Variants in KIF26B observed in about 807,000 individuals in gnomAD.
KIF26B encodes the protein kinesin-like protein KIF26B.
KIF26B carries 63 observed loss-of-function variants against 151.2 expected under a neutral mutation model. The ratio of observed to expected loss-of-function variants is 0.42; its 90% CI spans 0.34 to 0.51. The LOEUF is 0.51. Ranked by LOEUF, KIF26B falls within the 20% of genes least tolerant of loss-of-function variation. The pLI is 0.07. For missense variants in KIF26B, 2,813 were observed against 2,913.6 expected, an observed-to-expected ratio of 0.97 and a Z score of 0.79; for synonymous variants, 1,357 against 1,262.1, an observed-to-expected ratio of 1.08 and a Z score of -1.59.
chr1:245,211,759 C>T (rs111978600), intron 2 of KIF26B, among the ~76,000 whole-genome samples: 2,805 of 152,328 alleles, frequency 0.018, 78 homozygotes, highest in African/African-American at 0.064. Flanking sequence ...TCCTCATCTT[C>T]CCTTACTTTA....
chr1:245,254,053 G>A (rs899381719), intron 2 of KIF26B, among the ~76,000 whole-genome samples: 44 of 152,042 alleles, frequency 2.9e-4, no homozygotes, highest in East Asian at 7.7e-4. Context: ...CTCGTAATTT[G>A]CCCGCCTCGG....
chr1:245,213,046 G>T (rs1462032482), intron 2 of KIF26B, among the ~76,000 whole-genome samples: 1 of 152,168 alleles, frequency 6.6e-6, no homozygotes. Flanking sequence ...CTTTCCAAGG[G>T]GGGAGCAAAT....
At chr1:245,182,897 A>G (rs893032177) in intron 2 of KIF26B, among the ~76,000 whole-genome samples, 11 of 152,266 alleles carry the variant, frequency 7.2e-5, no homozygotes, top group Non-Finnish European at 2.9e-5. Flanking sequence ...CGGCCTCCCA[A>G]AGTACTGGGA....
At chr1:245,628,998 C>T (rs947296603) in intron 9 of KIF26B, among the ~76,000 whole-genome samples, 1 of 152,100 alleles carries the variant, frequency 6.6e-6, no homozygotes, top group African/African-American at 2.4e-5. Flanking sequence ...TCCCATTCAC[C>T]ATCGCTACAA....
intron 2 of KIF26B, among the ~76,000 whole-genome samples, chr1:245,291,826 C>T (rs528389951): frequency 1.2e-3 from 177 of 152,182 alleles, no homozygotes; most frequent in Non-Finnish European, 1.1e-3. Flanking sequence ...GGCCCAGAGA[C>T]GGTACGGTGG....
Position 245,516,378 on chromosome 1 carries a change from C to T in KIF26B, c.1167-24389C>T, listed in dbSNP as rs1660964435. On this transcript the variant is annotated intron_variant, in intron 4 of 14. Coordinates refer to ENST00000407071, the MANE Select transcript of KIF26B (RefSeq NM_018012.4). The surrounding 1 kb of genome is among the most constrained non-coding windows in gnomAD (Gnocchi z 4.2). ...GTCCTCATGTAGAGCCACAAGATGG[C>T]GCAGAGGATGACATGAAATCATGTA... Among the ~76,000 whole-genome samples the T allele has an allele frequency of 1.3e-5, 2 of 152,126 alleles. No homozygotes were observed. The highest frequency in any genetic ancestry group is 2.4e-5 in the African/African-American group (1 of 41,418).
chr1:245,676,555 CT>C (rs2044359141), intron 10 of KIF26B: 2 of 152,238 alleles, frequency 1.3e-5, no homozygotes, highest in African/African-American at 4.8e-5. Flanking sequence ...TACAGCTGGT[CT>C]TTCTCCAGAA....
chr1:245,268,217 C>A (rs1206650573), intron 2 of KIF26B, among the ~76,000 whole-genome samples: 1 of 151,950 alleles, frequency 6.6e-6, no homozygotes. Context: ...TGCCTGTAAT[C>A]CCAGCACTTT....
chr1:245,662,978 T>C (rs2044173599), intron 10 of KIF26B, among the ~76,000 whole-genome samples: 1 of 140,890 alleles, frequency 7.1e-6, no homozygotes, highest in African/African-American at 2.6e-5. Flanking sequence ...TTTTTTTTTT[T>C]CTCTCTTATT....
chr1:245,522,571 G>A (rs1268216347), intron 4 of KIF26B, among the ~76,000 whole-genome samples: 1 of 152,166 alleles, frequency 6.6e-6, no homozygotes, highest in African/African-American at 2.4e-5. Flanking sequence ...TCAGCTGGTG[G>A]TTTTCAGGGC....
intron 2 of KIF26B, among the ~76,000 whole-genome samples, chr1:245,284,974 G>C (rs4658743): frequency 6.6e-6 from 1 of 152,104 alleles, no homozygotes; most frequent in Non-Finnish European, 1.5e-5. Flanking sequence ...GGGAGGTGGA[G>C]GTTGCGGTGA....
At chr1:245,294,942 C>T (rs4658454) in intron 2 of KIF26B, among the ~76,000 whole-genome samples, 72,238 of 151,900 alleles carry the variant, frequency 0.48, 17,547 homozygotes, top group East Asian at 0.66. Flanking sequence ...GGATTACAGG[C>T]GTGAGCCACT....
chr1:245,472,017 C>T (rs1558179755), intron 4 of KIF26B, among the ~76,000 whole-genome samples: 1 of 152,190 alleles, frequency 6.6e-6, no homozygotes, highest in Non-Finnish European at 1.5e-5. Context: ...GTCTCAAGCT[C>T]CTGACCTCAG....
chr1:245,332,819 C>T (rs1672141347), intron 2 of KIF26B, among the ~76,000 whole-genome samples: 1 of 152,170 alleles, frequency 6.6e-6, no homozygotes, highest in Admixed American at 6.5e-5. Context: ...CATCTCACTG[C>T]CTCTCCTCGG....
chr1:245,542,502 G>A (rs965529726), intron 5 of KIF26B, among the ~76,000 whole-genome samples: 5 of 152,218 alleles, frequency 3.3e-5, no homozygotes, highest in African/African-American at 1.2e-4. Flanking sequence ...CAGGGAAGTG[G>A]CCTGGGCTGT....
chr1:245,485,529 G>A (rs10802213), intron 4 of KIF26B, among the ~76,000 whole-genome samples: 13,165 of 151,858 alleles, frequency 0.087, 563 homozygotes, highest in South Asian at 0.12. Context: ...GATTACAGGC[G>A]CCTGCCACCA....
intron 10 of KIF26B, among the ~76,000 whole-genome samples, chr1:245,650,274 G>C (rs2044000792): frequency 6.6e-6 from 1 of 152,224 alleles, no homozygotes; most frequent in Non-Finnish European, 1.5e-5. Flanking sequence ...TTCATTTGCT[G>C]TTCCTTACTG....
At chr1:245,292,446 T>G (rs1307583728) in intron 2 of KIF26B, among the ~76,000 whole-genome samples, 1 of 152,162 alleles carries the variant, frequency 6.6e-6, no homozygotes, top group East Asian at 1.9e-4. Context: ...AAACGGTCCT[T>G]GCTAGTGGCT....
chr1:245,315,410 G>A (rs1671747439), intron 2 of KIF26B, among the ~76,000 whole-genome samples: 1 of 151,732 alleles, frequency 6.6e-6, no homozygotes, highest in African/African-American at 2.4e-5. Context: ...GGGCGACAGA[G>A]TGAGACCTTG....
Sources: gnomAD v4.1 joint callset for allele counts (sites outside exome capture counted in the v4.1 genomes callset) on GRCh38, gnomAD v4.1.1 for gene constraint, Gnocchi (gnomAD v3.1) non-coding constraint, MANE v1.5 for transcripts, NCBI Gene and HGNC (gene_info 2026-07-23, HGNC 2026-07-21) for gene names.